PPP1R14C: variants seen among roughly 807,000 people sequenced by gnomAD.
The protein encoded by PPP1R14C is protein phosphatase 1 regulatory inhibitor subunit 14C.
A neutral mutation model predicts 20.4 loss-of-function variants in PPP1R14C; 16 were observed. The ratio of observed to expected loss-of-function variants is 0.78; its 90% CI spans 0.53 to 1.19. The LOEUF (loss-of-function observed/expected upper bound fraction) is 1.19, where lower values mean the gene tolerates loss of function less well. Ranked by LOEUF, PPP1R14C falls within the 50% of genes most tolerant of loss-of-function variation. The pLI is 0.00. For synonymous variants in PPP1R14C, 91 were observed against 91.0 expected, an observed-to-expected ratio of 1.00 and a Z score of 0.00; for missense variants, 211 against 220.1, an observed-to-expected ratio of 0.96 and a Z score of 0.26.
chr6:150,237,859 T>C (rs912118540), intron 3 of PPP1R14C, among the ~76,000 whole-genome samples: 17 of 151,476 alleles, frequency 1.1e-4, no homozygotes, highest in Admixed American at 3.3e-4. Context: ...ATGTATTGGG[T>C]GACTCCTTTC....
chr6:150,175,933 A>G (rs1161593645), intron 1 of PPP1R14C, among the ~76,000 whole-genome samples: 1 of 152,216 alleles, frequency 6.6e-6, no homozygotes, highest in Non-Finnish European at 1.5e-5. Flanking sequence ...GGCCCTGAAT[A>G]TCTTGTACTT....
intron 1 of PPP1R14C, chr6:150,194,523 C>A: frequency 1.0e-6 from 1 of 977,184 alleles, no homozygotes; most frequent in Non-Finnish European, 1.2e-6. Context: ...ATAAATCATG[C>A]TTTTCCATTA....
chr6:150,189,842 C>T (rs1010388027), intron 1 of PPP1R14C, among the ~76,000 whole-genome samples: 1 of 152,056 alleles, frequency 6.6e-6, no homozygotes, highest in Non-Finnish European at 1.5e-5. Context: ...GAATCTTGAC[C>T]CTGAGTAGTT....
intron 3 of PPP1R14C, among the ~76,000 whole-genome samples, chr6:150,238,167 G>T (rs1778386984): frequency 6.6e-6 from 1 of 152,182 alleles, no homozygotes. Flanking sequence ...GACATATTTG[G>T]ACAAAAGCTA....
intron 1 of PPP1R14C, among the ~76,000 whole-genome samples, chr6:150,174,874 G>T (rs1239563467): frequency 6.6e-6 from 1 of 151,812 alleles, no homozygotes; most frequent in Non-Finnish European, 1.5e-5. Flanking sequence ...GCTGAGACAG[G>T]AGAATTGCTT....
chr6:150,204,261 C>T (rs907872290), intron 1 of PPP1R14C, among the ~76,000 whole-genome samples: 4 of 152,230 alleles, frequency 2.6e-5, no homozygotes, highest in African/African-American at 9.6e-5. Flanking sequence ...GACCAACCTG[C>T]CGACTTTCTC....
intron 1 of PPP1R14C, among the ~76,000 whole-genome samples, chr6:150,174,412 T>C (rs935177031): frequency 3.5e-4 from 52 of 147,042 alleles, no homozygotes; most frequent in East Asian, 5.0e-4. Context: ...GAGATGGGGT[T>C]TCACCGTGTT....
chr6:150,167,834 GAA>G (rs1313437151), intron 1 of PPP1R14C, among the ~76,000 whole-genome samples: 1 of 148,366 alleles, frequency 6.7e-6, no homozygotes, highest in Non-Finnish European at 1.5e-5. Context: ...GAGATTTGAA[GAA>G]AAAGAGTTGA....
intron 1 of PPP1R14C, among the ~76,000 whole-genome samples, chr6:150,176,456 C>T (rs767070456): frequency 2.6e-5 from 4 of 152,278 alleles, no homozygotes; most frequent in African/African-American, 9.6e-5. Flanking sequence ...TATGTCTCAG[C>T]GTCAAAGAGA....
At chr6:150,176,797 C>A (rs1257017726) in intron 1 of PPP1R14C, among the ~76,000 whole-genome samples, 1 of 152,124 alleles carries the variant, frequency 6.6e-6, no homozygotes, top group Admixed American at 6.5e-5. Context: ...TTGCAGAGGG[C>A]CTGAAGGAGT....
chr6:150,144,777 TA>T (rs1431766748), intron 1 of PPP1R14C, among the ~76,000 whole-genome samples: 1 of 152,252 alleles, frequency 6.6e-6, no homozygotes, highest in Non-Finnish European at 1.5e-5. Flanking sequence ...AATGGGGTTG[TA>T]AAAATGTGTT....
intron 1 of PPP1R14C, among the ~76,000 whole-genome samples, chr6:150,208,983 T>G (rs2114905024): frequency 6.6e-6 from 1 of 152,310 alleles, no homozygotes; most frequent in African/African-American, 2.4e-5. Flanking sequence ...TTTTATACGC[T>G]TCCTATGCCA....
rs777549797 is a variant in PPP1R14C at position 150,186,980 on chromosome 6, CT to C, written c.307-27752del. Among the ~76,000 whole-genome samples the C allele has an allele frequency of 2.9e-3, 423 of 144,958 alleles. 4 individuals are homozygous for C. Among genetic ancestry groups the C allele is most frequent in the Non-Finnish European group, 1.8e-3 (116 of 65,542 alleles). ...TCTTTTAAGTTATGCTTGACTTAGT[CT>C]TTTTTTTTTTTGAGACGGAGTTTCA... On this transcript the variant is annotated intron_variant, in intron 1 of 3. Transcript: ENST00000361131.
intron 1 of PPP1R14C, among the ~76,000 whole-genome samples, chr6:150,191,181 G>A (rs544402447): frequency 2.2e-4 from 34 of 152,220 alleles, no homozygotes; most frequent in African/African-American, 7.5e-4. Flanking sequence ...CATACGTCAG[G>A]CTCCCAGTGA....
At chr6:150,230,530 A>G (rs1489432075) in intron 3 of PPP1R14C, among the ~76,000 whole-genome samples, 2 of 152,078 alleles carry the variant, frequency 1.3e-5, no homozygotes, top group Non-Finnish European at 2.9e-5. Context: ...CCCTCTGCGT[A>G]GGGAATGGAT....
At chr6:150,233,993 A>G (rs1394732107) in intron 3 of PPP1R14C, among the ~76,000 whole-genome samples, 2 of 152,248 alleles carry the variant, frequency 1.3e-5, no homozygotes, top group East Asian at 1.9e-4. Context: ...GGAGGAAGCC[A>G]GAGGACTGGT....
intron 1 of PPP1R14C, among the ~76,000 whole-genome samples, chr6:150,160,341 T>C (rs1287746521): frequency 7.0e-6 from 1 of 143,046 alleles, no homozygotes; most frequent in Non-Finnish European, 1.5e-5. Context: ...CTCGGCTCAC[T>C]GCAAGCTCCA....
intron 3 of PPP1R14C, among the ~76,000 whole-genome samples, chr6:150,233,657 A>C (rs1404924616): frequency 6.6e-6 from 1 of 152,230 alleles, no homozygotes; most frequent in Non-Finnish European, 1.5e-5. Flanking sequence ...CATGGTTCCA[A>C]AATAATCAGT....
chr6:150,173,264 T>C (rs1345674274), intron 1 of PPP1R14C, among the ~76,000 whole-genome samples: 1 of 152,108 alleles, frequency 6.6e-6, no homozygotes, highest in Non-Finnish European at 1.5e-5. Flanking sequence ...ATTGCATGAG[T>C]GGAGTTGGTT....
Sources: gnomAD v4.1 joint callset for allele counts (sites outside exome capture counted in the v4.1 genomes callset) on GRCh38, gnomAD v4.1.1 for gene constraint, MANE v1.5 for transcripts, NCBI Gene and HGNC (gene_info 2026-07-23, HGNC 2026-07-21) for gene names.